YOD1: variants seen among roughly 807,000 people sequenced by gnomAD.
The protein encoded by YOD1 is ubiquitin thioesterase OTU1.
In YOD1, 17 loss-of-function variants were observed where a neutral mutation model predicts 23.7. The observed-to-expected ratio is 0.72, with a 90% CI of 0.49 to 1.07. The LOEUF (loss-of-function observed/expected upper bound fraction) is 1.07, where lower values mean the gene tolerates loss of function less well. Among genes scored for constraint, YOD1 ranks in the 50% least tolerant of loss-of-function variants. The pLI is 0.00. For synonymous variants in YOD1, 191 were observed against 169.6 expected (o/e 1.13, Z -0.98); for missense variants, 413 against 447.2 (o/e 0.92, Z 0.69).
In YOD1 at chr1:207,047,576, G is replaced by C. The variant is rs1682629393; in HGVS notation, c.*1444C>G. 1.3e-5 allele frequency: 2 copies of C among 152,610 alleles called. No homozygotes were observed. The highest frequency in any genetic ancestry group is 4.8e-5 in the African/African-American group (2 of 41,452). 9.5% of individuals were successfully genotyped at this position (152,610 alleles called of 1,614,324 possible). The stretch of plus-strand genomic sequence containing the variant: ...CATTAAGCCTCTTCACATTATGTGA[G>C]ATAATACATAACAAATTATAATTTA... On this transcript the variant is annotated 3_prime_UTR_variant, in exon 2 of 2. Transcript: ENST00000315927.
chr1:207,045,394 C>G lies in YOD1; in HGVS notation c.*3626G>C, dbSNP rs1264429589. On this transcript the variant is annotated 3_prime_UTR_variant, in exon 2 of 2. Transcript: ENST00000315927. Reference sequence around the variant, plus strand: ...AGAATGTTGTGCCAATAGATACACTCTACACTGATGGCAATCTTTGATTAA... The same window carrying G: ...AGAATGTTGTGCCAATAGATACACTGTACACTGATGGCAATCTTTGATTAA... The G allele has an allele frequency of 6.6e-6, 1 of 152,500 alleles. No individual in the cohort carries two copies. Among genetic ancestry groups the G allele is most frequent in the Non-Finnish European group, 1.5e-5 (1 of 67,924 alleles). The allele number at this position is 152,500 out of a possible 1,614,324, so 9.4% of individuals were successfully genotyped here.
Position 207,049,009 on chromosome 1 carries a change from T to C in YOD1, c.*11A>G. 6.2e-7 allele frequency: 1 copy of C among 1,609,720 alleles called. No homozygotes were observed. Among genetic ancestry groups the C allele is most frequent in the Admixed American group, 1.7e-5 (1 of 59,814 alleles). On this transcript the variant is annotated 3_prime_UTR_variant, in exon 2 of 2. Transcript: ENST00000315927. The stretch of plus-strand genomic sequence containing the variant: ...TGAGGTAGTAGGCTTCAACCCTCAT[T>C]CATGCATAGGTCACACTTCTCCAAA...
At chr1:207,052,034 ATC>A, upstream of YOD1, 4 of 659,724 alleles carry the variant, frequency 6.1e-6, no homozygotes, top group Non-Finnish European at 1.1e-5. Context: ...CTGAATTTAT[ATC>A]TCTCTTTTCC....
upstream of YOD1, among the ~76,000 whole-genome samples, chr1:207,052,596 G>A (rs777259351): frequency 1.3e-5 from 2 of 152,162 alleles, no homozygotes; most frequent in African/African-American, 2.4e-5. Context: ...AAAAGTTGCG[G>A]TGCCAAGGTC....
In YOD1 at chr1:207,049,344, T is replaced by C; in HGVS notation, c.723A>G (p.Thr241=). 6.2e-7 allele frequency: 1 copy of C among 1,614,184 alleles called. No homozygotes were observed. The highest frequency in any genetic ancestry group is 8.5e-7 in the Non-Finnish European group (1 of 1,180,026). Residue 241 remains threonine (T), a synonymous_variant, in exon 2 of 2, where the codon ACA becomes ACG. Coordinates refer to ENST00000315927, the MANE Select transcript of YOD1 (RefSeq NM_018566.4). Reference sequence around the variant, plus strand: ...CAAAACGATCAATTCTTACTGTCTGTGTATCCACTACACATATTTCACATT... The same window carrying C: ...CAAAACGATCAATTCTTACTGTCTGCGTATCCACTACACATATTTCACATT... The part of the protein sequence containing the change: ...FYQCEICVVD[T]QTVRIDRFGE...
Position 207,043,965 on chromosome 1 carries a change from A to C in YOD1, c.*5055T>G, listed in dbSNP as rs774519789. 8 of 152,774 alleles carry C rather than the reference A, an allele frequency of 5.2e-5. No homozygotes were observed. The highest frequency in any genetic ancestry group is 1.4e-4 in the African/African-American group (6 of 41,596). 9.5% of individuals were successfully genotyped at this position (152,774 alleles called of 1,614,324 possible). ...ATCTTAATGACAATGGCAAAATCAC[A>C]TAAGAGTTGTAGAAAATGAAGTTAG... On this transcript the variant is annotated 3_prime_UTR_variant, in exon 2 of 2. Transcript: ENST00000315927.
rs2102325309 is a variant in YOD1, at chr1:207,048,529, G to GT, written c.*490dup. 6.4e-6 allele frequency: 1 copy of GT among 155,182 alleles called. No individual in the cohort carries two copies. The highest frequency in any genetic ancestry group is 2.0e-4 in the South Asian group (1 of 5,014). The allele number at this position is 155,182 out of a possible 1,614,324, so 9.6% of individuals were successfully genotyped here. ...AGACTCAGTTACTGGAGACACTGTG[G>GT]TAAATGTCCAGTGGACTCACAGGAG... On this transcript the variant is annotated 3_prime_UTR_variant, in exon 2 of 2. Transcript: ENST00000315927.
At position 207,049,185 on chromosome 1, in the gene YOD1, A is replaced by C. The variant is rs1258548966; in HGVS notation, c.882T>G (p.Leu294=). The C allele has an allele frequency of 1.2e-6, 2 of 1,613,994 alleles. No individual in the cohort carries two copies. Among genetic ancestry groups the C allele is most frequent in the Non-Finnish European group, 1.7e-6 (2 of 1,180,036 alleles). The part of the protein sequence containing the change: ...TIFSSNDDIV[L]VQALELADEA... The stretch of plus-strand genomic sequence containing the variant: ...CATCTGCTAATTCCAGTGCTTGTAC[A>C]AGAACAATATCATCATTAGAGGAGA... Residue 294 remains leucine, a synonymous_variant, in exon 2 of 2, where the codon CTT becomes CTG. Transcript: ENST00000315927.
Position 207,050,668 on chromosome 1 carries a change from C to T in YOD1, c.343+20G>A, listed in dbSNP as rs1258759315. 5 of 1,612,482 alleles carry T rather than the reference C, an allele frequency of 3.1e-6. No homozygotes were observed. In the South Asian group the frequency reaches 5.5e-5, roughly 18 times the overall value. ...TCCATCCTCCCGGGACTTTCCCTGGCCCCAGCCCTGATTCCTTACCAGATT... is the reference window on the plus strand; with the variant it reads ...TCCATCCTCCCGGGACTTTCCCTGGTCCCAGCCCTGATTCCTTACCAGATT... On this transcript the variant is annotated intron_variant, in intron 1 of 1. Coordinates refer to ENST00000315927, the MANE Select transcript of YOD1 (RefSeq NM_018566.4).
At position 207,049,650 on chromosome 1, in the gene YOD1, A is replaced by C; in HGVS notation, c.417T>G (p.Ser139=). ...CAGGCAAAGTTTCCCTGACGTAACT[A>C]GAAGCACCACGTTTAGTAAATGCAG... ...SSPAFTKRGA[S]SYVRETLPVL... is the part of the protein sequence containing the mutation. The change falls in exon 2 of 2, where the codon TCT becomes TCG. Residue 139 remains serine, a synonymous_variant. Transcript: ENST00000315927. 6.2e-7 allele frequency: 1 copy of C among 1,614,232 alleles called. No homozygotes were observed.
In YOD1 at chr1:207,049,501, A is replaced by G; in HGVS notation, c.566T>C (p.Ile189Thr). ...ATAGAAGTCTGGATCGCTTGCTACAATTTGTGCTATGAGGCGTCTCATCTC... is the reference window on the plus strand; with the variant it reads ...ATAGAAGTCTGGATCGCTTGCTACAGTTTGTGCTATGAGGCGTCTCATCTC... ...APEMRRLIAQ[I>T]VASDPDFYSE... Residue 189 changes from isoleucine to threonine, a missense_variant, in exon 2 of 2, where the codon ATT becomes ACT. By Grantham distance (89) the Ile-to-Thr change is moderately conservative. Coordinates refer to ENST00000315927, the MANE Select transcript of YOD1 (RefSeq NM_018566.4). 6.2e-7 allele frequency: 1 copy of G among 1,614,122 alleles called. No individual in the cohort carries two copies. The highest frequency in any genetic ancestry group is 1.1e-5 in the South Asian group (1 of 91,078).
chr1:207,050,824 C>T lies in YOD1; in HGVS notation c.207G>A (p.Val69=). ...VLQGLSSRTR[V]RELQGQIAAI... Reference sequence around the variant, plus strand: ...CGGCAATTTGGCCCTGGAGTTCCCGCACCCGGGTCCGGCTGGACAGCCCCT... The same window carrying T: ...CGGCAATTTGGCCCTGGAGTTCCCGTACCCGGGTCCGGCTGGACAGCCCCT... The change falls in exon 1 of 2, where the codon GTG becomes GTA. Residue 69 remains valine (V), a synonymous_variant. Transcript: ENST00000315927. The T allele has an allele frequency of 6.2e-7, 1 of 1,613,224 alleles. No individual in the cohort carries two copies. The highest frequency in any genetic ancestry group is 8.5e-7 in the Non-Finnish European group (1 of 1,179,976).
rs1430736014 is a variant in YOD1 at position 207,044,847 on chromosome 1, C to T, written c.*4173G>A. 1.3e-5 allele frequency: 2 copies of T among 152,466 alleles called. No homozygotes were observed. Among genetic ancestry groups the T allele is most frequent in the African/African-American group, 2.4e-5 (1 of 41,448 alleles). The allele number at this position is 152,466 out of a possible 1,614,324, so 9.4% of individuals were successfully genotyped here. A position where few individuals can be genotyped will look rare whatever the true frequency, so the allele number is the denominator to read the frequency against. Reference sequence around the variant, plus strand: ...CCTTCACTCTACCATGAGGGGGTTACCAACCTCCTTTAAATGTGTATGAAT... The same window carrying T: ...CCTTCACTCTACCATGAGGGGGTTATCAACCTCCTTTAAATGTGTATGAAT... On this transcript the variant is annotated 3_prime_UTR_variant, in exon 2 of 2. Transcript: ENST00000315927.
In YOD1 at chr1:207,051,050, T is replaced by G; in HGVS notation, c.-20A>C. 6.7e-7 allele frequency: 1 copy of G among 1,485,106 alleles called. No homozygotes were observed. The highest frequency in any genetic ancestry group is 1.3e-5 in the South Asian group (1 of 78,206). The allele number at this position is 1,485,106 out of a possible 1,614,324, so 92.0% of individuals were successfully genotyped here. A position where few individuals can be genotyped will look rare whatever the true frequency, so the allele number is the denominator to read the frequency against. ...AAACATCGCGAGAAGTTGCGGGTGG[T>G]TGCAGTTATCGCGACGCTTCGGTGC... is the stretch of plus-strand genomic sequence containing the variant. On this transcript the variant is annotated 5_prime_UTR_variant, in exon 1 of 2. Transcript: ENST00000315927.
rs1367041347 is a variant in YOD1, at chr1:207,044,356, C to A, written c.*4664G>T. 1 of 152,462 alleles carries A rather than the reference C, an allele frequency of 6.6e-6. No homozygotes were observed. Among genetic ancestry groups the A allele is most frequent in the Non-Finnish European group, 1.5e-5 (1 of 67,954 alleles). 9.4% of individuals were successfully genotyped at this position (152,462 alleles called of 1,614,324 possible). ...CATATTTCCTGTAAACAGCTGGAGTCCTGAATGGCACCAATGTGACTGGAA... is the reference window on the plus strand; with the variant it reads ...CATATTTCCTGTAAACAGCTGGAGTACTGAATGGCACCAATGTGACTGGAA... On this transcript the variant is annotated 3_prime_UTR_variant, in exon 2 of 2. Transcript: ENST00000315927.
chr1:207,050,758 G>C lies in YOD1; in HGVS notation c.273C>G (p.Val91=), dbSNP rs1166017458. ...GATCCAGGCACTCGGGAGGGTATCCGACGAGGATTCGCTGACCGCCGGGGG... is the reference window on the plus strand; with the variant it reads ...GATCCAGGCACTCGGGAGGGTATCCCACGAGGATTCGCTGACCGCCGGGGG... ...GIAPGGQRIL[V]GYPPECLDLS... The change falls in exon 1 of 2, where the codon GTC becomes GTG. Residue 91 remains valine (V), a synonymous_variant. Coordinates refer to ENST00000315927, the MANE Select transcript of YOD1 (RefSeq NM_018566.4). 6 of 1,613,406 alleles carry C rather than the reference G, an allele frequency of 3.7e-6. No individual in the cohort carries two copies. The South Asian group carries it at 6.6e-5, about 18-fold the overall frequency.
In YOD1 at chr1:207,049,390, G is replaced by A. The variant is rs1682678438; in HGVS notation, c.677C>T (p.Ser226Leu). 2 of 1,613,926 alleles carry A rather than the reference G, an allele frequency of 1.2e-6. No individual in the cohort carries two copies. Among genetic ancestry groups the A allele is most frequent in the East Asian group, 2.2e-5 (1 of 44,884 alleles). The change falls in exon 2 of 2, where the codon TCG becomes TTG. Residue 226 changes from serine (S) to leucine (L), a missense_variant. Coordinates refer to ENST00000315927, the MANE Select transcript of YOD1 (RefSeq NM_018566.4). ...ACATTGGTAAAACTTGGACAAAATC[G>A]ATATCTCTATTGCTCCTCCCCAAGT... ...DDTWGGAIEI[S>L]ILSKFYQCEI...
Position 207,050,985 on chromosome 1 carries a change from G to C in YOD1, c.46C>G (p.Pro16Ala). 1 of 1,533,396 alleles carries C rather than the reference G, an allele frequency of 6.5e-7. No homozygotes were observed. Among genetic ancestry groups the C allele is most frequent in the South Asian group, 1.2e-5 (1 of 84,416 alleles). 95.0% of individuals were successfully genotyped at this position (1,533,396 alleles called of 1,614,324 possible). Residue 16 changes from proline to alanine, a missense_variant, in exon 1 of 2, where the codon CCT becomes GCT. Physicochemically the swap from Pro to Ala is conservative, Grantham distance 27. Transcript: ENST00000315927. ...KGRHFGVHPA[P>A]GFPGGVSQQA... The stretch of plus-strand genomic sequence containing the variant: ...TGGGAGACGCCGCCGGGGAAACCAG[G>C]CGCCGGGTGGACTCCAAAATGGCGA...
rs1215751350 is a variant in YOD1 at position 207,048,969 on chromosome 1, A to G, written c.*51T>C. On this transcript the variant is annotated 3_prime_UTR_variant, in exon 2 of 2. Coordinates refer to ENST00000315927, the MANE Select transcript of YOD1 (RefSeq NM_018566.4). ...TACCATAGCTTATTGGAAAACCCAG[A>G]GCCTTCTGGATGTGTGAGGTAGTAG... is the stretch of plus-strand genomic sequence containing the variant. 8 of 1,530,860 alleles carry G rather than the reference A, an allele frequency of 5.2e-6. No individual in the cohort carries two copies. The highest frequency in any genetic ancestry group is 5.3e-6 in the Non-Finnish European group (6 of 1,126,806). 94.8% of individuals were successfully genotyped at this position (1,530,860 alleles called of 1,614,324 possible).
Sources: gnomAD v4.1 joint callset for allele counts (sites outside exome capture counted in the v4.1 genomes callset) on GRCh38, gnomAD v4.1.1 for gene constraint, MANE v1.5 for transcripts, NCBI Gene and HGNC (gene_info 2026-07-23, HGNC 2026-07-21) for gene names.